The following MS4A6E variants were observed in gnomAD, a reference collection of about 807,000 sequenced individuals.
MS4A6E encodes the protein membrane spanning 4-domains A6E, also known as membrane-spanning 4-domains subfamily A member 6E.
A neutral mutation model predicts 13.2 loss-of-function variants in MS4A6E; 8 were observed. That is an observed-to-expected ratio of 0.60 (90% confidence interval 0.35 to 1.09). The LOEUF is 1.09. Ranked by LOEUF, MS4A6E falls within the 50% of genes least tolerant of loss-of-function variation. The probability of loss-of-function intolerance (pLI) is 0.02; values close to 1 mark genes in which losing one functional copy is unlikely to be tolerated. For missense variants in MS4A6E, 177 were observed against 171.1 expected (o/e 1.03, Z -0.19); for synonymous variants, 72 against 67.6 (o/e 1.06, Z -0.32).
intron 3 of MS4A6E, among the ~76,000 whole-genome samples, chr11:60,339,516 A>G (rs1266746458): frequency 2.6e-5 from 4 of 152,230 alleles, no homozygotes; most frequent in Non-Finnish European, 5.9e-5. Context: ...ATGAGACTAT[A>G]ATGGAGCTGC....
At chr11:60,330,690 C>T (rs1056850943) in intron 1 of MS4A6E, among the ~76,000 whole-genome samples, 13 of 152,198 alleles carry the variant, frequency 8.5e-5, no homozygotes, top group Admixed American at 2.0e-4. Flanking sequence ...AAGTCTTTGC[C>T]TATGCCTATG....
chr11:60,343,318 GA>G (rs1186834149), downstream of MS4A6E, among the ~76,000 whole-genome samples: 3 of 152,068 alleles, frequency 2.0e-5, no homozygotes, highest in African/African-American at 7.2e-5. Flanking sequence ...TACTTTACTA[GA>G]CGCGTTAATA....
chr11:60,333,947 A>G (rs11230279), intron 1 of MS4A6E, among the ~76,000 whole-genome samples: 1,582 of 152,274 alleles, frequency 0.01, 13 homozygotes, highest in Non-Finnish European at 0.015. Context: ...AATGAGTAGA[A>G]AAAGTCGTGG....
chr11:60,348,357 GA>G (rs890062693), intron 4 of MS4A6E, among the ~76,000 whole-genome samples: 1 of 152,198 alleles, frequency 6.6e-6, no homozygotes, highest in Non-Finnish European at 1.5e-5. Context: ...ATGAAGGGTA[GA>G]AAGAGTACAG....
chr11:60,338,282 T>C (rs2085201984), intron 3 of MS4A6E, among the ~76,000 whole-genome samples: 2 of 152,190 alleles, frequency 1.3e-5, no homozygotes, highest in African/African-American at 2.4e-5. Context: ...TGAATTCAGA[T>C]TGGCAAACAG....
intron 1 of MS4A6E, among the ~76,000 whole-genome samples, chr11:60,333,939 TG>T (rs2085172326): frequency 1.3e-5 from 2 of 152,170 alleles, no homozygotes; most frequent in South Asian, 4.1e-4. Context: ...CGCATCAAAA[TG>T]AGTAGAAAAA....
Position 60,347,472 on chromosome 11 carries a change from G to GC in MS4A6E, c.*162+6545dup, listed in dbSNP as rs2085261302. Among the ~76,000 whole-genome samples the GC allele has an allele frequency of 2.0e-5, 3 of 151,236 alleles. No homozygotes were observed. The South Asian group carries it at 6.3e-4, about 32-fold the overall frequency. On this transcript the variant is annotated intron_variant and NMD_transcript_variant, in intron 4 of 4. Transcript: ENST00000532756. ...GAAGTTGTACAATAGAATATGAGAT[G>GC]CTTTTTTTTTCAAAGTCTCAGGGTC...
intron 1 of MS4A6E, among the ~76,000 whole-genome samples, chr11:60,332,967 C>T (rs1010452126): frequency 6.6e-6 from 1 of 152,196 alleles, no homozygotes; most frequent in Non-Finnish European, 1.5e-5. Context: ...CTTCATTTTG[C>T]TTAATTGTCA....
downstream of MS4A6E, among the ~76,000 whole-genome samples, chr11:60,343,779 A>G (rs2135067306): frequency 6.6e-6 from 1 of 152,248 alleles, no homozygotes; most frequent in Admixed American, 6.5e-5. Flanking sequence ...AAGATCTCCT[A>G]TTTTTTGTCA....
chr11:60,332,286 A>G (rs555831829), intron 1 of MS4A6E, among the ~76,000 whole-genome samples: 2 of 152,350 alleles, frequency 1.3e-5, no homozygotes, highest in South Asian at 4.1e-4. Flanking sequence ...CAACTGAAAG[A>G]CGGAAACTCG....
downstream of MS4A6E, among the ~76,000 whole-genome samples, chr11:60,341,596 C>T (rs111576922): frequency 8.0e-4 from 107 of 133,958 alleles, 1 homozygote; most frequent in Middle Eastern, 0.032. Flanking sequence ...TGCACACACA[C>T]GCACACACAC....
At chr11:60,332,082 A>G (rs552783712) in intron 1 of MS4A6E, among the ~76,000 whole-genome samples, 1 of 152,372 alleles carries the variant, frequency 6.6e-6, no homozygotes, top group African/African-American at 2.4e-5. Flanking sequence ...TGGTATTCAC[A>G]TGCTATTTTC....
At chr11:60,343,789 A>T (rs927254474), downstream of MS4A6E, among the ~76,000 whole-genome samples, 1 of 152,102 alleles carries the variant, frequency 6.6e-6, no homozygotes, top group African/African-American at 2.4e-5. Flanking sequence ...ATTTTTTGTC[A>T]TTGATGTCCA....
chr11:60,335,722 G>A (rs1159392161), intron 2 of MS4A6E: 12 of 390,592 alleles, frequency 3.1e-5, no homozygotes, highest in Non-Finnish European at 5.5e-5. Flanking sequence ...CAATCATATG[G>A]GTTTCTATGA....
chr11:60,343,328 T>A (rs968353622), downstream of MS4A6E, among the ~76,000 whole-genome samples: 4 of 152,200 alleles, frequency 2.6e-5, no homozygotes, highest in African/African-American at 9.7e-5. Flanking sequence ...GACGCGTTAA[T>A]ATAAAAGGAA....
chr11:60,335,143 A>T, intron 2 of MS4A6E, 101 bp downstream of exon 2: 1 of 1,499,344 alleles, frequency 6.7e-7, no homozygotes, highest in Non-Finnish European at 8.9e-7. Context: ...GAGACCCTTA[A>T]GTTTTGCTGG....
Position 60,335,923 on chromosome 11 carries a change from G to A in MS4A6E, c.147+881G>A, listed in dbSNP as rs529181545. Among the ~76,000 whole-genome samples the A allele has an allele frequency of 3.9e-5, 6 of 152,216 alleles. No homozygotes were observed. The East Asian group carries it at 7.7e-4, about 20-fold the overall frequency. ...CTAAATGATGAGAACACATGGACAC[G>A]TAGAAGGGAACAATGCACACTGGGG... is the stretch of plus-strand genomic sequence containing the variant. On this transcript the variant is annotated intron_variant, in intron 2 of 4. Coordinates refer to ENST00000684409, the MANE Select transcript of MS4A6E (RefSeq NM_139249.4).
At chr11:60,342,129 T>G (rs1003191987), downstream of MS4A6E, among the ~76,000 whole-genome samples, 1 of 146,320 alleles carries the variant, frequency 6.8e-6, no homozygotes, top group African/African-American at 2.6e-5. Flanking sequence ...CCTAAAAGAA[T>G]GTAGAGGATA....
At chr11:60,339,598 T>G (rs537430986) in intron 3 of MS4A6E, among the ~76,000 whole-genome samples, 5 of 152,336 alleles carry the variant, frequency 3.3e-5, no homozygotes, top group Admixed American at 1.3e-4. Flanking sequence ...CAGAACTACG[T>G]ACGTCTCAAA....
Sources: allele counts gnomAD v4.1 joint callset (sites outside exome capture counted in the v4.1 genomes callset), GRCh38; gene constraint gnomAD v4.1.1; transcripts MANE v1.5; gene names NCBI Gene and HGNC (gene_info 2026-07-23, HGNC 2026-07-21).